AGAP1: variants seen among roughly 807,000 people sequenced by gnomAD.
The protein encoded by AGAP1 is arf-GAP with GTPase, ANK repeat and PH domain-containing protein 1.
In AGAP1, 29 loss-of-function variants were observed where a neutral mutation model predicts 105.3. That is an observed-to-expected ratio of 0.28 (90% CI 0.21 to 0.38). The LOEUF (loss-of-function observed/expected upper bound fraction) is 0.38, where lower values mean the gene tolerates loss of function less well. Ranked by LOEUF, AGAP1 falls within the 10% of genes least tolerant of loss-of-function variation. AGAP1 has a pLI of 1.00. For synonymous variants in AGAP1, 509 were observed against 485.9 expected (o/e 1.05, Z -0.63); for missense variants, 998 against 1,165.1 (o/e 0.86, Z 2.09).
intron 1 of AGAP1, among the ~76,000 whole-genome samples, chr2:235,525,594 G>A (rs1401399826): frequency 6.6e-6 from 1 of 151,634 alleles, no homozygotes; most frequent in African/African-American, 2.4e-5. Flanking sequence ...GTAGAGGACT[G>A]ACACATAATG....
Position 235,957,391 on chromosome 2 carries a change from C to G in AGAP1, c.1484-11071C>G, listed in dbSNP as rs1179022615. Among the ~76,000 whole-genome samples, 2 of 152,170 alleles carry G rather than the reference C, an allele frequency of 1.3e-5. No individual in the cohort carries two copies. The highest frequency in any genetic ancestry group is 2.9e-5 in the Non-Finnish European group (2 of 68,028). ...TTCCTCCCCGTTTTTATAACTCAGT[C>G]TAACACTGTGTTGTCTTTTCCTTTC... On this transcript the variant is annotated intron_variant, in intron 12 of 17. Transcript: ENST00000304032. The surrounding 1 kb of genome is among the most constrained non-coding windows in gnomAD (Gnocchi z 4.6).
intron 1 of AGAP1, chr2:235,671,090 A>G (rs1948393043): frequency 1.6e-6 from 2 of 1,255,716 alleles, no homozygotes; most frequent in South Asian, 6.3e-5. Context: ...CCGGGACGGG[A>G]AGGGGCGTGG....
intron 1 of AGAP1, among the ~76,000 whole-genome samples, chr2:235,521,508 A>C (rs1432589697): frequency 1.3e-5 from 2 of 151,622 alleles, no homozygotes; most frequent in Non-Finnish European, 2.9e-5. Context: ...TCTCTTTTAA[A>C]TATAAGCAAA....
At chr2:235,706,357 T>C (rs13389829) in intron 1 of AGAP1, among the ~76,000 whole-genome samples, 1,978 of 152,198 alleles carry the variant, frequency 0.013, 58 homozygotes, top group African/African-American at 0.045. Context: ...CCCGAGTAAC[T>C]GGGACTACAG....
intron 1 of AGAP1, among the ~76,000 whole-genome samples, chr2:235,571,271 G>A (rs1010058423): frequency 6.6e-6 from 1 of 152,182 alleles, no homozygotes; most frequent in South Asian, 2.1e-4. Flanking sequence ...TTGGGATGGG[G>A]ACAAGGATTC....
chr2:236,062,907 A>G lies in AGAP1; in HGVS notation c.2114+13626A>G, dbSNP rs113378757. Among the ~76,000 whole-genome samples the G allele has an allele frequency of 0.014, 2,147 of 151,724 alleles. 50 individuals carry two copies. Among genetic ancestry groups the G allele is most frequent in the African/African-American group, 0.048 (2,001 of 41,390 alleles). ...GAACTCCTGACCTCATGATCCACCC[A>G]CCTTGGCCTCCCAGAGTGCTGGGAT... On this transcript the variant is annotated intron_variant, in intron 16 of 17. Transcript: ENST00000304032. This position sits in a 1 kb window ranked among gnomAD's most constrained non-coding sequence, Gnocchi z 4.2.
In AGAP1 at chr2:236,000,263, A is replaced by G. The variant is rs895994857; in HGVS notation, c.1645+31640A>G. ...ACTTCGACTTGAAGCGAAAGGACTT[A>G]TAATGAAGCCAGTTTTTTTCCTTAT... On this transcript the variant is annotated intron_variant, in intron 13 of 17. Coordinates refer to ENST00000304032, the MANE Select transcript of AGAP1 (RefSeq NM_001037131.3). The surrounding 1 kb of genome is among the most constrained non-coding windows in gnomAD (Gnocchi z 4.3). Among the ~76,000 whole-genome samples the G allele has an allele frequency of 7.2e-5, 11 of 152,230 alleles. No homozygotes were observed. The highest frequency in any genetic ancestry group is 2.7e-4 in the African/African-American group (11 of 41,464).
At position 235,716,235 on chromosome 2, in the gene AGAP1, G is replaced by A. The variant is rs3754668; in HGVS notation, c.223-1322G>A. On this transcript the variant is annotated intron_variant, in intron 2 of 17. Transcript: ENST00000304032. This position sits in a 1 kb window ranked among gnomAD's most constrained non-coding sequence, Gnocchi z 4.0. Reference sequence around the variant, plus strand: ...CTGGAGATGTGAGGATGGAGCCCTGGCGAGTCCCAGTATGTCCCTGCAGAT... The same window carrying A: ...CTGGAGATGTGAGGATGGAGCCCTGACGAGTCCCAGTATGTCCCTGCAGAT... Among the ~76,000 whole-genome samples the A allele has an allele frequency of 7.4e-4, 113 of 152,322 alleles. 1 individual carries two copies. The East Asian group carries it at 0.014, about 18-fold the overall frequency.
chr2:235,764,071 A>G (rs2675139), intron 6 of AGAP1, among the ~76,000 whole-genome samples: 42,517 of 146,790 alleles, frequency 0.29, 6,256 homozygotes, highest in Admixed American at 0.42. Flanking sequence ...GCGGTTGCCC[A>G]TGTGTGGCTG....
chr2:235,676,835 T>C (rs1224517731), intron 1 of AGAP1, among the ~76,000 whole-genome samples: 1 of 152,232 alleles, frequency 6.6e-6, no homozygotes, highest in Non-Finnish European at 1.5e-5. Context: ...GTTATAGTTA[T>C]TGAGGGTAGT....
chr2:235,806,960 T>C (rs963552205), intron 8 of AGAP1, among the ~76,000 whole-genome samples: 1 of 152,168 alleles, frequency 6.6e-6, no homozygotes, highest in Non-Finnish European at 1.5e-5. Context: ...ATATGGCCCA[T>C]TGGTTTCTAG....
In AGAP1 at chr2:235,594,946, C is replaced by T. The variant is rs539871503; in HGVS notation, c.163+100097C>T. 5.8e-5 allele frequency among the ~76,000 whole-genome samples: 7 copies of T among 120,162 alleles called. No homozygotes were observed. In the South Asian group the frequency reaches 2.1e-3, roughly 37 times the overall value. 78.8% of individuals were successfully genotyped at this position (120,162 alleles called of 152,430 possible). ...TCAACATATTTTTTAAAGAAAGTTT[C>T]ATCTGCTGCTATCTAGAGGAGGTAG... On this transcript the variant is annotated intron_variant, in intron 1 of 17. Coordinates refer to ENST00000304032, the MANE Select transcript of AGAP1 (RefSeq NM_001037131.3).
intron 1 of AGAP1, among the ~76,000 whole-genome samples, chr2:235,515,492 A>G (rs1041637853): frequency 3.3e-5 from 5 of 152,230 alleles, no homozygotes; most frequent in African/African-American, 9.6e-5. Flanking sequence ...TGAGCTGGCA[A>G]TAACAGCGCT....
At chr2:235,929,395 C>T (rs1162834689) in intron 11 of AGAP1, among the ~76,000 whole-genome samples, 3 of 152,124 alleles carry the variant, frequency 2.0e-5, no homozygotes, top group African/African-American at 7.2e-5. Flanking sequence ...TTCCCTGGGG[C>T]ATCACTGTGG....
At chr2:235,827,010 A>G (rs1322476628) in intron 9 of AGAP1, among the ~76,000 whole-genome samples, 1 of 152,140 alleles carries the variant, frequency 6.6e-6, no homozygotes. Flanking sequence ...TACCAGATCC[A>G]TGGCTCATCC....
At chr2:235,576,063 G>T (rs1046643744) in intron 1 of AGAP1, among the ~76,000 whole-genome samples, 1 of 152,160 alleles carries the variant, frequency 6.6e-6, no homozygotes, top group Non-Finnish European at 1.5e-5. Context: ...GTGATAAGCC[G>T]CTGTGTGGCA....
intron 1 of AGAP1, among the ~76,000 whole-genome samples, chr2:235,547,381 T>TG (rs371332543): frequency 0.041 from 6,019 of 147,956 alleles, 169 homozygotes; most frequent in Middle Eastern, 0.15. Flanking sequence ...TTTTCTGAGA[T>TG]GGAGTCTCGC....
rs776439481 is a variant in AGAP1 at position 236,124,174 on chromosome 2, G to T, written c.*52G>T. On this transcript the variant is annotated 3_prime_UTR_variant, in exon 18 of 18. Coordinates refer to ENST00000304032, the MANE Select transcript of AGAP1 (RefSeq NM_001037131.3). This position sits in a 1 kb window ranked among gnomAD's most constrained non-coding sequence, Gnocchi z 5.1. The stretch of plus-strand genomic sequence containing the variant: ...GCACCTGGGACGCGGCAGCCTCGCC[G>T]CATTCTCGCTCAGAAGTCGCAGCAC... The T allele has an allele frequency of 6.3e-7, 1 of 1,586,396 alleles. No individual in the cohort carries two copies. Among genetic ancestry groups the T allele is most frequent in the Non-Finnish European group, 8.6e-7 (1 of 1,161,290 alleles).
chr2:235,575,681 C>G (rs912168068), intron 1 of AGAP1, among the ~76,000 whole-genome samples: 1 of 152,214 alleles, frequency 6.6e-6, no homozygotes, highest in African/African-American at 2.4e-5. Flanking sequence ...AAAGGGCTGC[C>G]GTAGGGAAAG....
Sources: gnomAD v4.1 joint callset for allele counts (sites outside exome capture counted in the v4.1 genomes callset) on GRCh38, gnomAD v4.1.1 for gene constraint, Gnocchi (gnomAD v3.1) non-coding constraint, MANE v1.5 for transcripts, NCBI Gene and HGNC (gene_info 2026-07-23, HGNC 2026-07-21) for gene names.